Variants in AFAP1L2 observed in about 807,000 individuals in gnomAD.
The protein encoded by AFAP1L2 is actin filament-associated protein 1-like 2.
AFAP1L2 carries 46 observed loss-of-function variants against 99.3 expected under a neutral mutation model. The observed-to-expected ratio is 0.46, with a 90% CI of 0.37 to 0.59. AFAP1L2 has a LOEUF of 0.59. Ranked by LOEUF, AFAP1L2 falls within the 20% of genes least tolerant of loss-of-function variation. The pLI is 0.00. For missense variants in AFAP1L2, 959 were observed against 1,034.9 expected, an observed-to-expected ratio of 0.93 and a Z score of 1.01; for synonymous variants, 397 against 419.1, an observed-to-expected ratio of 0.95 and a Z score of 0.64.
At chr10:114,313,299 C>T (rs1481563142) in intron 7 of AFAP1L2, among the ~76,000 whole-genome samples, 1 of 152,146 alleles carries the variant, frequency 6.6e-6, no homozygotes, top group Non-Finnish European at 1.5e-5. Flanking sequence ...GCAAGCAAGC[C>T]CCTCCCCAAG....
rs867754584 is a variant in AFAP1L2, at chr10:114,324,405, C to T, written c.316-1144G>A. 3.7e-3 allele frequency among the ~76,000 whole-genome samples: 536 copies of T among 144,108 alleles called. 24 individuals carry two copies. Among genetic ancestry groups the T allele is most frequent in the African/African-American group, 0.014 (496 of 35,164 alleles). The allele number at this position is 144,108 out of a possible 152,430, so 94.5% of individuals were successfully genotyped here. Reference sequence around the variant, plus strand: ...ATTACAGGGGTGCACCACCCCCCCCCCCCCCCCGGCTAATTTTTGTATTTT... The same window carrying T: ...ATTACAGGGGTGCACCACCCCCCCCTCCCCCCCGGCTAATTTTTGTATTTT... On this transcript the variant is annotated intron_variant, in intron 4 of 18. Coordinates refer to ENST00000304129, the MANE Select transcript of AFAP1L2 (RefSeq NM_001001936.3).
At chr10:114,323,718 T>C (rs1337301325) in intron 4 of AFAP1L2, among the ~76,000 whole-genome samples, 1 of 152,208 alleles carries the variant, frequency 6.6e-6, no homozygotes, top group Non-Finnish European at 1.5e-5. Flanking sequence ...TACCATAATA[T>C]AGTTCAATCA....
At chr10:114,289,491 T>A in the AFAP1L2 span, 1 of 1,613,818 alleles carries the variant, frequency 6.2e-7, no homozygotes, top group Non-Finnish European at 8.5e-7. Flanking sequence ...TGTGTGGAGG[T>A]GAGTGGGGGA....
At chr10:114,345,360 T>A (rs1196601692) in intron 1 of AFAP1L2, among the ~76,000 whole-genome samples, 4 of 152,172 alleles carry the variant, frequency 2.6e-5, no homozygotes, top group African/African-American at 9.7e-5. Flanking sequence ...GCAAGGCTGT[T>A]CTTTAAGCAG....
chr10:114,376,669 A>G (rs1266610278), intron 1 of AFAP1L2, among the ~76,000 whole-genome samples: 1 of 152,218 alleles, frequency 6.6e-6, no homozygotes, highest in East Asian at 1.9e-4. Flanking sequence ...GCATTTTGAA[A>G]TGATCACAAG....
chr10:114,297,691 A>G (rs1055132853), intron 16 of AFAP1L2, among the ~76,000 whole-genome samples: 2 of 152,216 alleles, frequency 1.3e-5, no homozygotes, highest in African/African-American at 4.8e-5. Context: ...AGGTTCTCAG[A>G]GACTCTTGGT....
intron 1 of AFAP1L2, among the ~76,000 whole-genome samples, chr10:114,351,436 T>TG (rs1250338670): frequency 6.6e-6 from 1 of 152,208 alleles, no homozygotes; most frequent in African/African-American, 2.4e-5. Context: ...TTCCAGCATT[T>TG]GGCAAAAGTA....
At chr10:114,345,913 C>T (rs979476030) in intron 1 of AFAP1L2, among the ~76,000 whole-genome samples, 4 of 142,916 alleles carry the variant, frequency 2.8e-5, no homozygotes, top group Non-Finnish European at 4.6e-5. Context: ...ACCAGGCAGC[C>T]GTGGTGCCTG....
the AFAP1L2 span, among the ~76,000 whole-genome samples, chr10:114,288,685 A>G: frequency 1.3e-5 from 2 of 152,240 alleles, no homozygotes; most frequent in African/African-American, 2.4e-5. Flanking sequence ...CGTCCGTCAG[A>G]TAGAACTTAG....
At chr10:114,326,860 C>A (rs2046362868) in intron 4 of AFAP1L2, among the ~76,000 whole-genome samples, 1 of 151,762 alleles carries the variant, frequency 6.6e-6, no homozygotes, top group Non-Finnish European at 1.5e-5. Flanking sequence ...TTTTACTAAT[C>A]TAAAAAATAA....
chr10:114,396,429 C>A (rs926235327), intron 1 of AFAP1L2, among the ~76,000 whole-genome samples: 5 of 152,360 alleles, frequency 3.3e-5, no homozygotes, highest in Admixed American at 2.6e-4. Context: ...GCAGTGACGA[C>A]TGGTAATTCT....
chr10:114,309,313 C>A (rs1464819893), intron 8 of AFAP1L2, among the ~76,000 whole-genome samples: 1 of 152,180 alleles, frequency 6.6e-6, no homozygotes, highest in Non-Finnish European at 1.5e-5. Context: ...TGAAAAATGG[C>A]CCCTCCTGAG....
intron 1 of AFAP1L2, among the ~76,000 whole-genome samples, chr10:114,359,798 G>A (rs1344054973): frequency 6.6e-6 from 1 of 152,144 alleles, no homozygotes; most frequent in Non-Finnish European, 1.5e-5. Context: ...AAGAGGCAAA[G>A]GAAGCCAGTG....
Position 114,296,920 on chromosome 10 carries a change from G to GC in AFAP1L2, c.2430+57dup, listed in dbSNP as rs772799720. The GC allele has an allele frequency of 6.2e-6, 10 of 1,612,908 alleles. No homozygotes were observed. The South Asian group carries it at 1.1e-4, about 18-fold the overall frequency. Reference sequence around the variant, plus strand: ...AAGCACCACCTGGGTCAGAAGATGGGCCCCTACCTTAGTGACATTTCTGCT... The same window carrying GC: ...AAGCACCACCTGGGTCAGAAGATGGGCCCCCTACCTTAGTGACATTTCTGCT... On this transcript the variant is annotated intron_variant, in intron 18 of 18. Coordinates refer to ENST00000304129, the MANE Select transcript of AFAP1L2 (RefSeq NM_001001936.3).
upstream of AFAP1L2, chr10:114,404,532 C>G (rs2058549664): frequency 6.8e-7 from 1 of 1,474,546 alleles, no homozygotes. Flanking sequence ...CCCAGGCCGC[C>G]GCGCTGGCCC....
rs557753460 is a variant in AFAP1L2 at position 114,361,547 on chromosome 10, A to G, written c.17-20816T>C. 3.9e-5 allele frequency among the ~76,000 whole-genome samples: 6 copies of G among 152,330 alleles called. No individual in the cohort carries two copies. The East Asian group carries it at 1.2e-3, about 29-fold the overall frequency. On this transcript the variant is annotated intron_variant, in intron 1 of 18. Coordinates refer to ENST00000304129, the MANE Select transcript of AFAP1L2 (RefSeq NM_001001936.3). ...GTACTCACTCAAGATCAGTACTCCC[A>G]TCAGACACAGGAAACCTGAACAGAG...
At chr10:114,301,229 G>T in intron 13 of AFAP1L2, 125 bp downstream of exon 13, 1 of 735,136 alleles carries the variant, frequency 1.4e-6, no homozygotes, top group Non-Finnish European at 2.3e-6. Flanking sequence ...TACTGGCCTG[G>T]TAGGTGACTC....
At chr10:114,325,906 G>T in intron 4 of AFAP1L2, 1 of 1,289,238 alleles carries the variant, frequency 7.8e-7, no homozygotes, top group Non-Finnish European at 1.0e-6. Context: ...GGTCTCCCCA[G>T]TGGGTCCCAG....
intron 1 of AFAP1L2, among the ~76,000 whole-genome samples, chr10:114,390,330 A>G (rs1049093021): frequency 6.6e-6 from 1 of 152,176 alleles, no homozygotes; most frequent in Non-Finnish European, 1.5e-5. Flanking sequence ...ATGACAAATA[A>G]TGCTGCAGAG....
Sources: allele counts gnomAD v4.1 joint callset (sites outside exome capture counted in the v4.1 genomes callset), GRCh38; gene constraint gnomAD v4.1.1; transcripts MANE v1.5; gene names NCBI Gene and HGNC (gene_info 2026-07-23, HGNC 2026-07-21).